LAMA2: variants seen among roughly 807,000 people sequenced by gnomAD.
LAMA2 encodes the protein laminin subunit alpha 2, also known as laminin subunit alpha-2.
Under a neutral mutation model 364.8 loss-of-function variants are expected in LAMA2, and 269 were observed. That is an observed-to-expected ratio of 0.74 (90% CI 0.67 to 0.82). The LOEUF (loss-of-function observed/expected upper bound fraction) is 0.82, where lower values mean the gene tolerates loss of function less well. Ranked by LOEUF, LAMA2 falls within the 40% of genes least tolerant of loss-of-function variation. The probability of loss-of-function intolerance (pLI) is 0.00; values close to 1 mark genes in which losing one functional copy is unlikely to be tolerated. For synonymous variants in LAMA2, 1,379 were observed against 1,370.6 expected, an observed-to-expected ratio of 1.01 and a Z score of -0.14; for missense variants, 3,807 against 3,873.2, an observed-to-expected ratio of 0.98 and a Z score of 0.45.
Position 129,083,777 on chromosome 6 carries a change from C to T in LAMA2, c.397-14396C>T, listed in dbSNP as rs1026879035. On this transcript the variant is annotated intron_variant, in intron 3 of 64. Coordinates refer to ENST00000421865, the MANE Select transcript of LAMA2 (RefSeq NM_000426.4). Reference sequence around the variant, plus strand: ...CATAAAAAGTATAGCTTAGATCCAACGTATCAACCTGGAATAGGTGAAAAT... The same window carrying T: ...CATAAAAAGTATAGCTTAGATCCAATGTATCAACCTGGAATAGGTGAAAAT... Among the ~76,000 whole-genome samples the T allele has an allele frequency of 1.1e-4, 17 of 152,248 alleles. No individual in the cohort carries two copies. In the South Asian group the frequency reaches 1.2e-3, roughly 11 times the overall value.
chr6:129,132,866 G>A (rs1253606650), intron 4 of LAMA2, among the ~76,000 whole-genome samples: 3 of 152,100 alleles, frequency 2.0e-5, no homozygotes. Context: ...ACCTTTGTTA[G>A]AGAAAACTGA....
intron 1 of LAMA2, among the ~76,000 whole-genome samples, chr6:129,045,454 A>T (rs1787414001): frequency 6.6e-6 from 1 of 152,212 alleles, no homozygotes; most frequent in Non-Finnish European, 1.5e-5. Flanking sequence ...GCTCACTTCA[A>T]ATCATAGTTA....
At chr6:129,140,353 C>T (rs986508359) in intron 4 of LAMA2, among the ~76,000 whole-genome samples, 18 of 151,884 alleles carry the variant, frequency 1.2e-4, no homozygotes, top group African/African-American at 4.1e-4. Flanking sequence ...TAAGGTTTCC[C>T]CCCCTTTATT....
intron 15 of LAMA2, among the ~76,000 whole-genome samples, chr6:129,265,839 A>G (rs1057387662): frequency 6.6e-6 from 1 of 152,102 alleles, no homozygotes. Context: ...CGTTCTGCAC[A>G]TGTATCCCAG....
chr6:129,439,107 C>G (rs1781978857), intron 42 of LAMA2, among the ~76,000 whole-genome samples: 1 of 151,732 alleles, frequency 6.6e-6, no homozygotes, highest in Non-Finnish European at 1.5e-5. Context: ...TACTCAAGTC[C>G]CTTTTATAAA....
intron 9 of LAMA2, among the ~76,000 whole-genome samples, chr6:129,166,120 A>C (rs1779728805): frequency 6.6e-6 from 1 of 152,218 alleles, no homozygotes; most frequent in Non-Finnish European, 1.5e-5. Flanking sequence ...TGTAGGCAAT[A>C]ATATAGAAAG....
intron 4 of LAMA2, among the ~76,000 whole-genome samples, chr6:129,116,690 C>A (rs1394380092): frequency 6.6e-6 from 1 of 152,002 alleles, no homozygotes; most frequent in African/African-American, 2.4e-5. Context: ...TAATAACATG[C>A]ATTTTATACA....
At chr6:129,245,665 T>C (rs186969521) in intron 12 of LAMA2, among the ~76,000 whole-genome samples, 4 of 152,338 alleles carry the variant, frequency 2.6e-5, no homozygotes, top group Admixed American at 2.0e-4. Flanking sequence ...GAGTTCTCCC[T>C]GTTTGGAATC....
At chr6:129,409,786 C>T (rs6930250) in intron 40 of LAMA2, among the ~76,000 whole-genome samples, 75,922 of 151,660 alleles carry the variant, frequency 0.5, 19,456 homozygotes, top group African/African-American at 0.62. Context: ...ACGGCCCAAT[C>T]GGCAGAGCAG....
chr6:129,472,813 A>G (rs1783878201), intron 51 of LAMA2, among the ~76,000 whole-genome samples: 1 of 152,006 alleles, frequency 6.6e-6, no homozygotes, highest in Non-Finnish European at 1.5e-5. Context: ...AGAAAGAGCC[A>G]TAGATTAGGC....
At chr6:128,899,397 G>T (rs1334421586) in intron 1 of LAMA2, among the ~76,000 whole-genome samples, 2 of 152,196 alleles carry the variant, frequency 1.3e-5, no homozygotes, top group Admixed American at 1.3e-4. Context: ...TAATCAACTA[G>T]TTCCTTTTCC....
intron 41 of LAMA2, among the ~76,000 whole-genome samples, chr6:129,432,450 A>G (rs1781642567): frequency 6.6e-6 from 1 of 152,204 alleles, no homozygotes; most frequent in Admixed American, 6.5e-5. Context: ...CCTGTATATC[A>G]TCTCAGCAAG....
At chr6:129,104,462 A>G (rs939697095) in intron 4 of LAMA2, among the ~76,000 whole-genome samples, 7 of 152,242 alleles carry the variant, frequency 4.6e-5, no homozygotes, top group Non-Finnish European at 1.0e-4. Context: ...CACTGAGTCT[A>G]AAGTTTATTA....
In LAMA2 at chr6:129,298,286, GT is replaced by G. The variant is rs775054876; in HGVS notation, c.3037+431del. ...TATCCGGATCAAGAAAAGTCAAGGT[GT>G]TTTTTTTTTCCTGGTACCCCAAAAA... On this transcript the variant is annotated intron_variant, in intron 21 of 64. Transcript: ENST00000421865. Among the ~76,000 whole-genome samples, 129 of 149,264 alleles carry G rather than the reference GT, an allele frequency of 8.6e-4. 2 individuals are homozygous for G. In the East Asian group the frequency reaches 0.013, roughly 15 times the overall value.
intron 46 of LAMA2, 148 bp from the exon 47 acceptor site, chr6:129,454,006 TA>T: frequency 6.0e-6 from 2 of 332,608 alleles, no homozygotes; most frequent in Non-Finnish European, 5.5e-6. Flanking sequence ...TGTATAATAA[TA>T]AATAATATTA....
chr6:129,388,255 C>A (rs374720321), intron 35 of LAMA2, among the ~76,000 whole-genome samples: 20 of 138,442 alleles, frequency 1.4e-4, no homozygotes, highest in South Asian at 2.3e-4. Context: ...GACTCCATCT[C>A]AAAAAAAAAA....
At chr6:129,115,265 A>C (rs1237594603) in intron 4 of LAMA2, among the ~76,000 whole-genome samples, 1 of 152,118 alleles carries the variant, frequency 6.6e-6, no homozygotes, top group Non-Finnish European at 1.5e-5. Context: ...AGAACAGAGA[A>C]ATAACCAGTC....
intron 17 of LAMA2, among the ~76,000 whole-genome samples, chr6:129,274,971 G>T (rs1168006886): frequency 2.6e-5 from 4 of 151,758 alleles, no homozygotes; most frequent in Non-Finnish European, 5.9e-5. Context: ...ATATATTATT[G>T]GCACAAGGCT....
chr6:128,965,979 GTTTTTTT>G (rs11342050), intron 1 of LAMA2, among the ~76,000 whole-genome samples: 1 of 112,796 alleles, frequency 8.9e-6, no homozygotes, highest in Non-Finnish European at 1.8e-5. Flanking sequence ...TAAACCAGAG[GTTTTTTT>G]TTTTTTTTTT....
Sources: gnomAD v4.1 joint callset for allele counts (sites outside exome capture counted in the v4.1 genomes callset) on GRCh38, gnomAD v4.1.1 for gene constraint, MANE v1.5 for transcripts, NCBI Gene and HGNC (gene_info 2026-07-23, HGNC 2026-07-21) for gene names.